Variants in CROCC2 observed in about 807,000 individuals in gnomAD.
CROCC2 encodes ciliary rootlet coiled-coil protein 2.
Under a neutral mutation model 177.6 loss-of-function variants are expected in CROCC2, and 163 were observed. The observed-to-expected ratio is 0.92, with a 90% CI of 0.81 to 1.05. The LOEUF (loss-of-function observed/expected upper bound fraction) is 1.05, where lower values mean the gene tolerates loss of function less well. Among genes scored for constraint, CROCC2 ranks in the 50% least tolerant of loss-of-function variants. CROCC2 has a pLI of 0.00. For synonymous variants in CROCC2, 904 were observed against 787.3 expected (o/e 1.15, Z -2.48); for missense variants, 1,929 against 1,797.8 (o/e 1.07, Z -1.32).
rs1395455519 is a variant in CROCC2, at chr2:240,933,332, C to T, written c.1453C>T (p.Leu485Phe). 5 of 1,522,720 alleles carry T rather than the reference C, an allele frequency of 3.3e-6. No individual in the cohort carries two copies. The highest frequency in any genetic ancestry group is 4.4e-6 in the Non-Finnish European group (5 of 1,137,456). The allele number at this position is 1,522,720 out of a possible 1,614,324, so 94.3% of individuals were successfully genotyped here. The change falls in exon 10 of 32, where the codon CTC becomes TTC. Residue 485 changes from leucine (L) to phenylalanine (F), a missense_variant. By Grantham distance (22) the Leu-to-Phe change is conservative. Transcript: ENST00000690015. ...EVQQCRASCK[L>F]LGREKAALEM... Reference sequence around the variant, plus strand: ...GCAGCAGTGCCGGGCATCCTGCAAGCTCCTGGGGAGGTAATGGGGTGAAGG... The same window carrying T: ...GCAGCAGTGCCGGGCATCCTGCAAGTTCCTGGGGAGGTAATGGGGTGAAGG...
chr2:240,988,265 CT>C (rs143184028), intron 28 of CROCC2, among the ~76,000 whole-genome samples: 4,750 of 152,238 alleles, frequency 0.031, 485 homozygotes, highest in East Asian at 0.29. Flanking sequence ...ATGCCACAGG[CT>C]TGTTGGGATT....
intron 11 of CROCC2, among the ~76,000 whole-genome samples, 184 bp from the exon 12 acceptor site, chr2:240,934,147 C>T (rs2059452076): frequency 1.3e-5 from 2 of 152,110 alleles, no homozygotes; most frequent in South Asian, 4.1e-4. Context: ...TTGTGCCTCC[C>T]CTGCCCCGGA....
At chr2:240,970,946 A>G (rs113836664) in intron 27 of CROCC2, among the ~76,000 whole-genome samples, 1 of 152,270 alleles carries the variant, frequency 6.6e-6, no homozygotes, top group African/African-American at 2.4e-5. Flanking sequence ...CACGGGGAAG[A>G]GTCCTCCTCT....
At chr2:240,947,251 CTGCGGGTTGGGCTCCTGCCCA>C (rs1404390971) in intron 15 of CROCC2, among the ~76,000 whole-genome samples, 2 of 152,246 alleles carry the variant, frequency 1.3e-5, no homozygotes, top group Non-Finnish European at 2.9e-5. Flanking sequence ...AGGGAGGCTG[CTGCGGGTTGGGCTCCTGCCCA>C]TGCTCCCTCC....
chr2:240,944,571 C>T (rs895901176), intron 14 of CROCC2, among the ~76,000 whole-genome samples: 1 of 151,964 alleles, frequency 6.6e-6, no homozygotes, highest in African/African-American at 2.4e-5. Context: ...TTCTTTTATT[C>T]TGTCTAATCT....
chr2:240,957,021 G>A (rs1478548099), intron 19 of CROCC2, among the ~76,000 whole-genome samples: 11 of 152,142 alleles, frequency 7.2e-5, no homozygotes, highest in Non-Finnish European at 1.5e-4. Context: ...TGTTGAGGTC[G>A]GGGCTGCTGT....
chr2:240,952,599 T>C (rs961631727), intron 18 of CROCC2, among the ~76,000 whole-genome samples: 2 of 152,196 alleles, frequency 1.3e-5, no homozygotes, highest in Admixed American at 1.3e-4. Flanking sequence ...ACAGGAGGAA[T>C]GGTAGTGTTG....
intron 21 of CROCC2, 64 bp from the exon 22 acceptor site, chr2:240,964,402 G>T: frequency 6.5e-7 from 1 of 1,540,918 alleles, no homozygotes; most frequent in Non-Finnish European, 8.8e-7. Context: ...GCAGAGACCT[G>T]CTGGGCAGCT....
chr2:240,950,341 T>A lies in CROCC2; in HGVS notation c.2660T>A (p.Leu887Gln), dbSNP rs370151978. Reference sequence around the variant, plus strand: ...CCCTTTACCTTGGCCCAGGAGACCCTGAGCCTGACCCTGGCAGAGGAGAAG... The same window carrying A: ...CCCTTTACCTTGGCCCAGGAGACCCAGAGCCTGACCCTGGCAGAGGAGAAG... Reference protein sequence around the residue: ...LAQLQREKETLSLTLAEEKEV... With the variant: ...LAQLQREKETQSLTLAEEKEV... The change falls in exon 18 of 32, where the codon CTG (leucine) becomes CAG (glutamine). Residue 887 changes from leucine (L) to glutamine (Q), a missense_variant. Leu to Gln is a moderately radical substitution (Grantham distance 113). Coordinates refer to ENST00000690015, the MANE Select transcript of CROCC2 (RefSeq NM_001351305.2). 6.5e-7 allele frequency: 1 copy of A among 1,549,590 alleles called. No individual in the cohort carries two copies. The highest frequency in any genetic ancestry group is 2.0e-5 in the Admixed American group (1 of 50,948).
rs936314593 is a variant in CROCC2 at position 240,906,410 on chromosome 2, C to G, written c.-104C>G. Reference sequence around the variant, plus strand: ...CACAAGACTGCAGAGCCAGGTGCCACACAGGTGTGGGGCCCGTGGACCAAG... The same window carrying G: ...CACAAGACTGCAGAGCCAGGTGCCAGACAGGTGTGGGGCCCGTGGACCAAG... On this transcript the variant is annotated 5_prime_UTR_variant, in exon 1 of 32. Coordinates refer to ENST00000690015, the MANE Select transcript of CROCC2 (RefSeq NM_001351305.2). 6 of 398,412 alleles carry G rather than the reference C, an allele frequency of 1.5e-5. No individual in the cohort carries two copies. The highest frequency in any genetic ancestry group is 2.7e-5 in the Non-Finnish European group (6 of 225,922). The allele number at this position is 398,412 out of a possible 1,614,324, so 24.7% of individuals were successfully genotyped here.
chr2:240,983,091 G>A, intron 28 of CROCC2, 62 bp downstream of exon 28: 1 of 1,470,374 alleles, frequency 6.8e-7, no homozygotes, highest in Non-Finnish European at 9.2e-7. Flanking sequence ...GGCCTACAGG[G>A]AAGAGGCCCT....
At chr2:240,916,044 G>A (rs369047108) in intron 1 of CROCC2, among the ~76,000 whole-genome samples, 1 of 152,134 alleles carries the variant, frequency 6.6e-6, no homozygotes, top group African/African-American at 2.4e-5. Flanking sequence ...GGTCGCGGAG[G>A]GGACGCCCTG....
Position 240,933,220 on chromosome 2 carries a change from A to G in CROCC2, c.1341A>G (p.Ala447=). The change falls in exon 10 of 32, where the codon GCA becomes GCG. Residue 447 remains alanine (A), a synonymous_variant. Coordinates refer to ENST00000690015, the MANE Select transcript of CROCC2 (RefSeq NM_001351305.2). ...AAAGCCGGCGGGAGCTGTGGGCCGCACAGAAGCTCCAGCAGGAGCGGGCTC... is the reference window on the plus strand; with the variant it reads ...AAAGCCGGCGGGAGCTGTGGGCCGCGCAGAAGCTCCAGCAGGAGCGGGCTC... The part of the protein sequence containing the change: ...LSESRRELWA[A]QKLQQERARE... The G allele has an allele frequency of 4.5e-6, 7 of 1,549,838 alleles. No individual in the cohort carries two copies. The highest frequency in any genetic ancestry group is 6.1e-6 in the Non-Finnish European group (7 of 1,146,882).
At chr2:240,919,804 G>A (rs1232286361) in intron 2 of CROCC2, among the ~76,000 whole-genome samples, 179 bp from the exon 3 acceptor site, 2 of 152,170 alleles carry the variant, frequency 1.3e-5, no homozygotes, top group African/African-American at 2.4e-5. Flanking sequence ...AGAGTATGAA[G>A]TCTGCCTCCC....
chr2:240,949,213 T>G lies in CROCC2; in HGVS notation c.2482+116T>G. ...CCCCTCTCCGGAGCCCACAGGGGCA[T>G]GAACATGAGCTTGGAGCTCATGCGA... On this transcript the variant is annotated intron_variant, in intron 16 of 31. Coordinates refer to ENST00000690015, the MANE Select transcript of CROCC2 (RefSeq NM_001351305.2). The surrounding 1 kb of genome is among the most constrained non-coding windows in gnomAD (Gnocchi z 4.5). The G allele has an allele frequency of 7.0e-7, 1 of 1,437,916 alleles. No individual in the cohort carries two copies. Among genetic ancestry groups the G allele is most frequent in the South Asian group, 1.5e-5 (1 of 67,232 alleles). The allele number at this position is 1,437,916 out of a possible 1,614,324, so 89.1% of individuals were successfully genotyped here.
chr2:240,967,520 C>T (rs2059691475), intron 26 of CROCC2, 55 bp downstream of exon 26: 2 of 1,541,318 alleles, frequency 1.3e-6, no homozygotes, highest in Non-Finnish European at 1.8e-6. Context: ...AGAGTGGCAC[C>T]ACCATGTCCC....
chr2:240,977,029 T>A (rs6741080), intron 27 of CROCC2, among the ~76,000 whole-genome samples: 1 of 29,676 alleles, frequency 3.4e-5, no homozygotes, highest in African/African-American at 1.9e-4. Flanking sequence ...AGCCTCAGGA[T>A]CCCAGGCTCA....
intron 27 of CROCC2, among the ~76,000 whole-genome samples, chr2:240,969,368 G>C (rs754791602): frequency 2.9e-4 from 44 of 152,250 alleles, no homozygotes; most frequent in Non-Finnish European, 5.3e-4. Flanking sequence ...CTGAGCCTCT[G>C]AGGAGGTGGC....
chr2:240,975,719 C>CTTTT (rs55896940), intron 27 of CROCC2, among the ~76,000 whole-genome samples: 7 of 88,008 alleles, frequency 8.0e-5, no homozygotes, highest in Non-Finnish European at 1.1e-4. Flanking sequence ...AACCAGCCTG[C>CTTTT]TTTTTTTTTT....
Sources: gnomAD v4.1 joint callset for allele counts (sites outside exome capture counted in the v4.1 genomes callset) on GRCh38, gnomAD v4.1.1 for gene constraint, Gnocchi (gnomAD v3.1) non-coding constraint, MANE v1.5 for transcripts, NCBI Gene and HGNC (gene_info 2026-07-23, HGNC 2026-07-21) for gene names.